SAMD8: variants seen among roughly 807,000 people sequenced by gnomAD.
The protein encoded by SAMD8 is sphingomyelin synthase-related protein 1.
SAMD8 carries 20 observed loss-of-function variants against 42.0 expected under a neutral mutation model. The ratio of observed to expected loss-of-function variants is 0.48; its 90% CI spans 0.34 to 0.69. The LOEUF (loss-of-function observed/expected upper bound fraction) is 0.69. Ranked by LOEUF, SAMD8 falls within the 30% of genes least tolerant of loss-of-function variation. The pLI is 0.01. For missense variants in SAMD8, 328 were observed against 511.6 expected, an observed-to-expected ratio of 0.64 and a Z score of 3.46; for synonymous variants, 162 against 173.0, an observed-to-expected ratio of 0.94 and a Z score of 0.50.
At chr10:75,140,057 A>G (rs944547589) in intron 1 of SAMD8, among the ~76,000 whole-genome samples, 3 of 152,220 alleles carry the variant, frequency 2.0e-5, no homozygotes, top group African/African-American at 7.2e-5. Context: ...TGTTTTCTCC[A>G]CTGAATTGCC....
chr10:75,108,246 G>A, upstream of SAMD8: 1 of 1,563,242 alleles, frequency 6.4e-7, no homozygotes. Context: ...TGCCGGCCAA[G>A]CCATGGGACC....
chr10:75,147,572 C>T lies in SAMD8; in HGVS notation c.-15-2942C>T, dbSNP rs182917005. Among the ~76,000 whole-genome samples, 720 of 152,258 alleles carry T rather than the reference C, an allele frequency of 4.7e-3. 4 individuals are homozygous for T. Among genetic ancestry groups the T allele is most frequent in the African/African-American group, 0.015 (641 of 41,558 alleles). On this transcript the variant is annotated intron_variant, in intron 1 of 5. Transcript: ENST00000542569. Reference sequence around the variant, plus strand: ...TGAACTCATGACCTCGTGATCCACCCGTCTCAGCCTCCCAAAGTGCTGGGA... The same window carrying T: ...TGAACTCATGACCTCGTGATCCACCTGTCTCAGCCTCCCAAAGTGCTGGGA...
At chr10:75,161,707 A>G (rs1840561558) in intron 2 of SAMD8, among the ~76,000 whole-genome samples, 2 of 150,796 alleles carry the variant, frequency 1.3e-5, no homozygotes, top group Admixed American at 6.6e-5. Context: ...TTTGGGGGAA[A>G]AAAAAAAAGT....
At chr10:75,153,690 G>A (rs576640402) in intron 2 of SAMD8, among the ~76,000 whole-genome samples, 13 of 151,870 alleles carry the variant, frequency 8.6e-5, no homozygotes, top group Admixed American at 2.0e-4. Flanking sequence ...TAAAATGTCC[G>A]TGTTCCTATG....
chr10:75,137,577 A>G (rs1265000755), intron 1 of SAMD8, among the ~76,000 whole-genome samples: 4 of 152,112 alleles, frequency 2.6e-5, no homozygotes, highest in Non-Finnish European at 4.4e-5. Context: ...GACATACACT[A>G]CAACACAGAT....
At chr10:75,100,113 G>T (rs1336123626) in intron 1 of SAMD8, among the ~76,000 whole-genome samples, 1 of 152,112 alleles carries the variant, frequency 6.6e-6, no homozygotes, top group East Asian at 1.9e-4. Context: ...ATGGGGTGAG[G>T]CTGCCCCCTG....
chr10:75,105,537 C>A (rs897245487), intron 1 of SAMD8: 9 of 979,776 alleles, frequency 9.2e-6, no homozygotes, highest in Non-Finnish European at 1.4e-5. Context: ...CTTTAATCCT[C>A]ACTTCCAGCC....
At chr10:75,175,691 G>C (rs987706572) in intron 4 of SAMD8, among the ~76,000 whole-genome samples, 1 of 152,032 alleles carries the variant, frequency 6.6e-6, no homozygotes, top group African/African-American at 2.4e-5. Flanking sequence ...TGGGATTATA[G>C]GTGTGCACCA....
chr10:75,124,535 C>A (rs1448451554), intron 1 of SAMD8, among the ~76,000 whole-genome samples: 1 of 151,798 alleles, frequency 6.6e-6, no homozygotes, highest in Non-Finnish European at 1.5e-5. Flanking sequence ...ATTGCTTCAA[C>A]CCGGGAGGCG....
intron 1 of SAMD8, among the ~76,000 whole-genome samples, chr10:75,121,225 TA>T (rs1397338277): frequency 2.6e-5 from 4 of 152,186 alleles, no homozygotes; most frequent in Non-Finnish European, 5.9e-5. Flanking sequence ...CCAAGAAAGT[TA>T]TGTAACTTCT....
chr10:75,168,181 T>C (rs1301704480), intron 3 of SAMD8, among the ~76,000 whole-genome samples: 1 of 152,142 alleles, frequency 6.6e-6, no homozygotes, highest in Admixed American at 6.6e-5. Context: ...TATTTTCTTA[T>C]CAGTGAAATG....
At chr10:75,127,363 A>G (rs1253616758) in intron 1 of SAMD8, among the ~76,000 whole-genome samples, 4 of 152,194 alleles carry the variant, frequency 2.6e-5, no homozygotes, top group Non-Finnish European at 5.9e-5. Context: ...CTTTAAAATG[A>G]GATTGCCTAG....
chr10:75,134,638 C>CA lies in SAMD8; in HGVS notation c.-15-15868dup, dbSNP rs199929082. On this transcript the variant is annotated intron_variant, in intron 1 of 5. Coordinates refer to ENST00000542569, the MANE Select transcript of SAMD8 (RefSeq NM_001174156.2). ...TGGCAGAGTGAGACTTTCCCCCCCC[C>CA]AAAAAAAAGATTACAGTTAGATGAG... Among the ~76,000 whole-genome samples, 425 of 151,184 alleles carry CA rather than the reference C, an allele frequency of 2.8e-3. 1 individual carries two copies. Among genetic ancestry groups the CA allele is most frequent in the African/African-American group, 8.0e-3 (328 of 41,212 alleles).
At chr10:75,134,330 C>T (rs376490157) in intron 1 of SAMD8, among the ~76,000 whole-genome samples, 1 of 152,052 alleles carries the variant, frequency 6.6e-6, no homozygotes, top group East Asian at 1.9e-4. Flanking sequence ...CTCATGTATC[C>T]CGGAATTTAA....
intron 4 of SAMD8, among the ~76,000 whole-genome samples, chr10:75,169,856 C>T (rs768111736): frequency 6.6e-6 from 1 of 152,142 alleles, no homozygotes; most frequent in African/African-American, 2.4e-5. Flanking sequence ...TTGCAGTGAG[C>T]CAAGATGGCA....
chr10:75,169,066 G>A (rs557465460), intron 4 of SAMD8, among the ~76,000 whole-genome samples: 7 of 150,570 alleles, frequency 4.6e-5, no homozygotes, highest in Non-Finnish European at 1.0e-4. Flanking sequence ...AGCTACTCAG[G>A]AGGCTGAGGC....
intron 1 of SAMD8, among the ~76,000 whole-genome samples, chr10:75,116,500 T>G (rs1404745464): frequency 6.6e-6 from 1 of 152,192 alleles, no homozygotes; most frequent in Non-Finnish European, 1.5e-5. Context: ...TGTCTTGAAA[T>G]TTTTGACAGA....
At chr10:75,161,755 TTACACC>T (rs1392898871) in intron 2 of SAMD8, among the ~76,000 whole-genome samples, 4 of 149,130 alleles carry the variant, frequency 2.7e-5, no homozygotes, top group African/African-American at 9.8e-5. Flanking sequence ...GCGTGGTGGT[TTACACC>T]TGTAATCCTT....
At chr10:75,141,538 CTTTT>C (rs60925019) in intron 1 of SAMD8, among the ~76,000 whole-genome samples, 1 of 134,820 alleles carries the variant, frequency 7.4e-6, no homozygotes, top group African/African-American at 2.7e-5. Context: ...ATGCCTTTTA[CTTTT>C]TTTTTTTTTT....
Sources: gnomAD v4.1 joint callset for allele counts (sites outside exome capture counted in the v4.1 genomes callset) on GRCh38, gnomAD v4.1.1 for gene constraint, MANE v1.5 for transcripts, NCBI Gene and HGNC (gene_info 2026-07-23, HGNC 2026-07-21) for gene names.